Variants in LRRN4 observed in about 807,000 individuals in gnomAD.
LRRN4 encodes leucine-rich repeat neuronal protein 4.
LRRN4 carries 26 observed loss-of-function variants against 22.3 expected under a neutral mutation model. That is an observed-to-expected ratio of 1.16 (90% CI 0.85 to 1.62). The LOEUF (loss-of-function observed/expected upper bound fraction) is 1.62, where lower values mean the gene tolerates loss of function less well. LRRN4 is among the 40% of genes most tolerant of loss of function. The probability of loss-of-function intolerance (pLI) is 0.00; values close to 1 mark genes in which losing one functional copy is unlikely to be tolerated. For missense variants in LRRN4, 1,070 were observed against 1,008.5 expected (o/e 1.06, Z -0.83); for synonymous variants, 496 against 486.2 (o/e 1.02, Z -0.26).
chr20:6,040,975 T>C lies in LRRN4; in HGVS notation c.*47A>G, dbSNP rs765545570. ...TTTTTGACCGTCTGTGTCTTCCTTT[T>C]TGCGCTCAGATCCAGTTCGATGAGA... On this transcript the variant is annotated 3_prime_UTR_variant, in exon 5 of 5. Coordinates refer to ENST00000378858, the MANE Select transcript of LRRN4 (RefSeq NM_152611.5). 7.5e-6 allele frequency: 12 copies of C among 1,605,964 alleles called. No homozygotes were observed. The Middle Eastern group carries it at 6.6e-4, about 89-fold the overall frequency.
intron 3 of LRRN4, among the ~76,000 whole-genome samples, chr20:6,050,213 A>G (rs941106761): frequency 2.0e-5 from 3 of 152,232 alleles, no homozygotes; most frequent in African/African-American, 7.2e-5. Context: ...CGTGTGCTCA[A>G]TAGCTATTTA....
rs190741072 is a variant in LRRN4 at position 6,043,747 on chromosome 20, A to G, written c.998+796T>C. Among the ~76,000 whole-genome samples, 274 of 152,196 alleles carry G rather than the reference A, an allele frequency of 1.8e-3. 1 individual carries two copies. Among genetic ancestry groups the G allele is most frequent in the Non-Finnish European group, 3.2e-3 (215 of 68,006 alleles). On this transcript the variant is annotated intron_variant, in intron 4 of 4. Transcript: ENST00000378858. ...ATGATGAGACTCCATCTCTACAAAA[A>G]GATTAAAAAAAAATTAGCCGGGTGT...
At chr20:6,047,986 G>T (rs2123055942) in intron 3 of LRRN4, among the ~76,000 whole-genome samples, 3 of 152,214 alleles carry the variant, frequency 2.0e-5, no homozygotes, top group Admixed American at 2.0e-4. Context: ...AAGGGGGCTG[G>T]CACAGGGGCT....
rs780848182 is a variant in LRRN4, at chr20:6,041,993, C to T, written c.1252G>A (p.Ala418Thr). 6.2e-6 allele frequency: 10 copies of T among 1,613,942 alleles called. No homozygotes were observed. Among genetic ancestry groups the T allele is most frequent in the Admixed American group, 1.7e-5 (1 of 60,004 alleles). ...CGTGCATCGCTGTGCGGCCATGCAG[C>T]TATCGTGCGAGAGCCCACGTTAGGG... ...KAPNVGSRTI[A>T]AWPHSDAREG... The change falls in exon 5 of 5, where the codon GCT becomes ACT. Residue 418 changes from alanine (A) to threonine (T), a missense_variant. By Grantham distance (58) the Ala-to-Thr change is moderately conservative (BLOSUM62 0). Transcript: ENST00000378858. The surrounding 1 kb of genome is among the most constrained non-coding windows in gnomAD (Gnocchi z 9.4).
rs1423379979 is a variant in LRRN4, at chr20:6,050,861, A to G, written c.778T>C (p.Cys260Arg). The change falls in exon 3 of 5, where the codon TGT becomes CGT. Residue 260 changes from cysteine (C) to arginine (R), a missense_variant. Transcript: ENST00000378858. ...GAAGCAAGTGCTGGGGAGTCCTGAC[A>G]GTCCAGCTGCTGCAGGTTGGGGGTC... ...KMTPNLQQLD[C>R]QDSPALASVA... The G allele has an allele frequency of 1.2e-6, 2 of 1,614,094 alleles. No individual in the cohort carries two copies. Among genetic ancestry groups the G allele is most frequent in the Admixed American group, 1.7e-5 (1 of 59,992 alleles).
rs776608297 is a variant in LRRN4 at position 6,041,949 on chromosome 20, G to A, written c.1296C>T (p.Ser432=). The A allele has an allele frequency of 3.1e-6, 5 of 1,614,196 alleles. No individual in the cohort carries two copies. Among genetic ancestry groups the A allele is most frequent in the Non-Finnish European group, 4.2e-6 (5 of 1,180,034 alleles). Residue 432 remains serine (S), a synonymous_variant, in exon 5 of 5, where the codon TCC becomes TCT. Transcript: ENST00000378858. The surrounding 1 kb of genome is among the most constrained non-coding windows in gnomAD (Gnocchi z 9.4). ...HSDAREGTAP[S]TTNSVAGHSN... ...TGTGACCTGCTACAGAGTTGGTCGTGGAGGGGGCAGTCCCCTCCCGTGCAT... is the reference window on the plus strand; with the variant it reads ...TGTGACCTGCTACAGAGTTGGTCGTAGAGGGGGCAGTCCCCTCCCGTGCAT...
At chr20:6,053,105 ATC>A (rs1014283869) in intron 1 of LRRN4, among the ~76,000 whole-genome samples, 2 of 152,018 alleles carry the variant, frequency 1.3e-5, no homozygotes, top group African/African-American at 4.8e-5. Flanking sequence ...CTGGGCCTGA[ATC>A]TCTCAATAAC....
intron 3 of LRRN4, among the ~76,000 whole-genome samples, chr20:6,045,174 C>A (rs938527350): frequency 2.0e-5 from 3 of 148,718 alleles, no homozygotes. Flanking sequence ...CACGGTGGCT[C>A]ATACCTGTAA....
intron 1 of LRRN4, 56 bp from the exon 2 acceptor site, chr20:6,052,860 G>A: frequency 1.4e-6 from 2 of 1,472,184 alleles, no homozygotes; most frequent in Non-Finnish European, 1.8e-6. Context: ...CGCACAAAGA[G>A]TCAGATGCGC....
At chr20:6,046,832 C>T (rs73603074) in intron 3 of LRRN4, among the ~76,000 whole-genome samples, 2,544 of 148,582 alleles carry the variant, frequency 0.017, 175 homozygotes, top group African/African-American at 0.059. Flanking sequence ...TGTATATATG[C>T]GTGTATGCTT....
chr20:6,040,911 C>A lies in LRRN4; in HGVS notation c.*111G>T, dbSNP rs940355166. 2.7e-6 allele frequency: 4 copies of A among 1,458,604 alleles called. No homozygotes were observed. In the Admixed American group the frequency reaches 8.4e-5, roughly 31 times the overall value. The allele number at this position is 1,458,604 out of a possible 1,614,324, so 90.4% of individuals were successfully genotyped here. On this transcript the variant is annotated 3_prime_UTR_variant, in exon 5 of 5. Coordinates refer to ENST00000378858, the MANE Select transcript of LRRN4 (RefSeq NM_152611.5). ...TCCATGTGTGCTCAAGGCATTCTGG[C>A]TTCACGGGAATTAGAAACCCTAGGA... is the stretch of plus-strand genomic sequence containing the variant.
At chr20:6,051,044 C>T (rs903139203) in intron 2 of LRRN4, 61 bp from the exon 3 acceptor site, 25 of 1,469,316 alleles carry the variant, frequency 1.7e-5, no homozygotes, top group Admixed American at 5.3e-5. Context: ...GAGGCCAGCA[C>T]GGCATGAAGG....
intron 3 of LRRN4, 112 bp from the exon 4 acceptor site, chr20:6,044,792 T>TACC: frequency 2.9e-6 from 3 of 1,022,324 alleles, no homozygotes; most frequent in Non-Finnish European, 3.9e-6. Context: ...AGCATTCTGA[T>TACC]AGGGGTTGGA....
Position 6,050,418 on chromosome 20 carries a change from A to G in LRRN4, c.860+361T>C, listed in dbSNP as rs143925911. ...TAGACCCACTCAAATTCTGGAAGGG[A>G]CTGAACTTGCATGACATGTGGGGAA... On this transcript the variant is annotated intron_variant, in intron 3 of 4. Transcript: ENST00000378858. Among the ~76,000 whole-genome samples, 581 of 152,362 alleles carry G rather than the reference A, an allele frequency of 3.8e-3. 2 individuals carry two copies. The highest frequency in any genetic ancestry group is 0.013 in the African/African-American group (551 of 41,592).
chr20:6,045,052 T>G (rs1981071661), intron 3 of LRRN4, among the ~76,000 whole-genome samples: 1 of 149,796 alleles, frequency 6.7e-6, no homozygotes, highest in Non-Finnish European at 1.5e-5. Context: ...AGGATTACAT[T>G]TTTTTTCTTT....
Position 6,052,704 on chromosome 20 carries a change from C to T in LRRN4, c.96G>A (p.Gln32=). The T allele has an allele frequency of 6.4e-7, 1 of 1,571,076 alleles. No homozygotes were observed. Among genetic ancestry groups the T allele is most frequent in the South Asian group, 1.2e-5 (1 of 86,938 alleles). ...TGCCACTGCTCCCCCAGGGGCCCTG[C>T]TGAGTGACCCGGAAGAGCGGGACCT... ...QEKVPLFRVT[Q]QGPWGSSGSN... is the part of the protein sequence containing the mutation. Residue 32 remains glutamine, a synonymous_variant, in exon 2 of 5, where the codon CAG becomes CAA. Coordinates refer to ENST00000378858, the MANE Select transcript of LRRN4 (RefSeq NM_152611.5).
At chr20:6,047,407 T>G (rs1353716064) in intron 3 of LRRN4, among the ~76,000 whole-genome samples, 2 of 147,488 alleles carry the variant, frequency 1.4e-5, no homozygotes, top group Admixed American at 6.8e-5. Context: ...CTTAAGGTGT[T>G]AAAGAAGCAG....
chr20:6,047,662 G>GT (rs1981141037), intron 3 of LRRN4, among the ~76,000 whole-genome samples: 1 of 151,520 alleles, frequency 6.6e-6, no homozygotes, highest in Admixed American at 6.6e-5. Flanking sequence ...GTGGTGGCGT[G>GT]TACCTGTAGT....
chr20:6,041,393 C>G lies in LRRN4; in HGVS notation c.1852G>C (p.Gly618Arg). Residue 618 changes from glycine (G) to arginine (R), a missense_variant, in exon 5 of 5, where the codon GGC (glycine) becomes CGC (arginine). By Grantham distance (125) the Gly-to-Arg change is moderately radical. Coordinates refer to ENST00000378858, the MANE Select transcript of LRRN4 (RefSeq NM_152611.5). The surrounding 1 kb of genome is among the most constrained non-coding windows in gnomAD (Gnocchi z 9.4). The stretch of plus-strand genomic sequence containing the variant: ...ACCACCGACTGGTTCCCCGCCCAGC[C>G]CTCCGCAGAGTAGCGGATCTGGTAC... ...HGYQIRYSAE[G>R]WAGNQSVVGV... The G allele has an allele frequency of 6.3e-7, 1 of 1,578,482 alleles. No individual in the cohort carries two copies. The highest frequency in any genetic ancestry group is 8.6e-7 in the Non-Finnish European group (1 of 1,162,616).
Sources: allele counts gnomAD v4.1 joint callset (sites outside exome capture counted in the v4.1 genomes callset), GRCh38; gene constraint gnomAD v4.1.1; non-coding constraint Gnocchi (gnomAD v3.1); transcripts MANE v1.5; gene names NCBI Gene and HGNC (gene_info 2026-07-23, HGNC 2026-07-21).